The following SMARCAD1 variants were observed in gnomAD, a reference collection of about 807,000 sequenced individuals.
SMARCAD1 encodes the protein SNF2 related chromatin remodeling ATPase with DExD box 1.
Under a neutral mutation model 127.1 loss-of-function variants are expected in SMARCAD1, and 25 were observed. The observed-to-expected ratio is 0.20, with a 90% CI of 0.14 to 0.27. The LOEUF (loss-of-function observed/expected upper bound fraction) is 0.27. Ranked by LOEUF, SMARCAD1 falls within the 10% of genes least tolerant of loss-of-function variation. The probability of loss-of-function intolerance (pLI) is 1.00; values close to 1 mark genes in which losing one functional copy is unlikely to be tolerated. For synonymous variants in SMARCAD1, 400 were observed against 396.9 expected, an observed-to-expected ratio of 1.01 and a Z score of -0.09; for missense variants, 807 against 1,206.0, an observed-to-expected ratio of 0.67 and a Z score of 4.90.
At chr4:94,269,110 T>C (rs1752161116) in intron 10 of SMARCAD1, among the ~76,000 whole-genome samples, 1 of 152,212 alleles carries the variant, frequency 6.6e-6, no homozygotes, top group Non-Finnish European at 1.5e-5. Context: ...ACCTATACTT[T>C]TAGTTGTATT....
At chr4:94,225,987 A>G (rs1294164036) in intron 2 of SMARCAD1, 132 bp from the exon 3 acceptor site, 2 of 790,670 alleles carry the variant, frequency 2.5e-6, no homozygotes, top group Non-Finnish European at 4.0e-6. Context: ...TTTCTTTAAA[A>G]AGTGGTGAGA....
chr4:94,233,073 AATAAC>A (rs1746098256), intron 3 of SMARCAD1, among the ~76,000 whole-genome samples: 1 of 152,240 alleles, frequency 6.6e-6, no homozygotes, highest in African/African-American at 2.4e-5. Flanking sequence ...ACACAACAGA[AATAAC>A]ATGAGTACAT....
chr4:94,208,861 CT>C (rs1481409127), intron 2 of SMARCAD1, among the ~76,000 whole-genome samples: 3 of 152,138 alleles, frequency 2.0e-5, no homozygotes, highest in Non-Finnish European at 4.4e-5. Context: ...AGAACGGTTG[CT>C]ATTGGAAGAG....
At chr4:94,280,844 C>G (rs911476874) in intron 20 of SMARCAD1, 64 bp downstream of exon 20, 3 of 1,449,430 alleles carry the variant, frequency 2.1e-6, no homozygotes, top group African/African-American at 2.8e-5. Flanking sequence ...TAAAGCAATT[C>G]TGGCACACTG....
At chr4:94,237,664 G>A (rs1429256287) in intron 5 of SMARCAD1, among the ~76,000 whole-genome samples, 1 of 151,834 alleles carries the variant, frequency 6.6e-6, no homozygotes, top group Non-Finnish European at 1.5e-5. Context: ...ACATACATTA[G>A]GTTACAAAAT....
intron 23 of SMARCAD1, among the ~76,000 whole-genome samples, chr4:94,287,422 G>T (rs1755100484): frequency 6.6e-6 from 1 of 151,984 alleles, no homozygotes; most frequent in African/African-American, 2.4e-5. Context: ...CAATCTGTTT[G>T]TCCCCTCTTA....
intron 9 of SMARCAD1, among the ~76,000 whole-genome samples, chr4:94,262,178 G>C (rs1428021763): frequency 6.6e-6 from 1 of 152,176 alleles, no homozygotes; most frequent in Non-Finnish European, 1.5e-5. Flanking sequence ...CTAAGATACA[G>C]ATCTTTATTT....
intron 23 of SMARCAD1, among the ~76,000 whole-genome samples, chr4:94,287,709 T>G (rs1755141889): frequency 6.6e-6 from 1 of 152,170 alleles, no homozygotes; most frequent in African/African-American, 2.4e-5. Flanking sequence ...AAATAAAGAT[T>G]GTGTTTGGGT....
At chr4:94,279,484 A>G (rs547068112) in intron 19 of SMARCAD1, among the ~76,000 whole-genome samples, 12 of 152,390 alleles carry the variant, frequency 7.9e-5, no homozygotes, top group South Asian at 4.1e-4. Context: ...TCTGGGGGAC[A>G]TAAAAACAAA....
intron 6 of SMARCAD1, among the ~76,000 whole-genome samples, chr4:94,249,366 G>C (rs1748926733): frequency 6.7e-6 from 1 of 148,250 alleles, no homozygotes. Flanking sequence ...GAGTTAATTT[G>C]AGGATCATTC....
chr4:94,285,553 A>G (rs1420253410), intron 23 of SMARCAD1, among the ~76,000 whole-genome samples: 2 of 152,188 alleles, frequency 1.3e-5, no homozygotes, highest in African/African-American at 2.4e-5. Flanking sequence ...CTAATTCCTA[A>G]TATTGATAAT....
intron 7 of SMARCAD1, 84 bp from the exon 8 acceptor site, chr4:94,250,668 A>G (rs1420937819): frequency 1.2e-6 from 1 of 841,270 alleles, no homozygotes; most frequent in Non-Finnish European, 1.9e-6. Context: ...TCAGGTGATT[A>G]ACTTATTTTT....
chr4:94,269,095 C>A (rs1369133899), intron 10 of SMARCAD1, among the ~76,000 whole-genome samples: 2 of 152,140 alleles, frequency 1.3e-5, no homozygotes, highest in African/African-American at 2.4e-5. Context: ...ACTGCTTTTT[C>A]TCCTACCTAT....
intron 23 of SMARCAD1, among the ~76,000 whole-genome samples, chr4:94,288,451 G>A (rs766311115): frequency 6.6e-6 from 1 of 152,010 alleles, no homozygotes; most frequent in Non-Finnish European, 1.5e-5. Flanking sequence ...TGTCAATTTG[G>A]ATTTTATGGG....
intron 2 of SMARCAD1, among the ~76,000 whole-genome samples, chr4:94,225,561 G>A (rs1271985753): frequency 6.6e-6 from 1 of 152,158 alleles, no homozygotes; most frequent in Non-Finnish European, 1.5e-5. Context: ...AGGTATTGGT[G>A]ATTGGGACTT....
At position 94,215,952 on chromosome 4, in the gene SMARCAD1, C is replaced by T. The variant is rs367650164; in HGVS notation, c.190+7368C>T. Among the ~76,000 whole-genome samples the T allele has an allele frequency of 5.9e-5, 9 of 152,208 alleles. 1 individual carries two copies. Among genetic ancestry groups the T allele is most frequent in the African/African-American group, 1.9e-4 (8 of 41,524 alleles). ...ATTTGTAAGTATATCTTAAATTCCACGTGTCTTAGTCTGTTAGAACTGCTG... is the reference window on the plus strand; with the variant it reads ...ATTTGTAAGTATATCTTAAATTCCATGTGTCTTAGTCTGTTAGAACTGCTG... On this transcript the variant is annotated intron_variant, in intron 2 of 23. Coordinates refer to ENST00000354268, the MANE Select transcript of SMARCAD1 (RefSeq NM_020159.5).
At chr4:94,217,730 G>A (rs1043483217) in intron 2 of SMARCAD1, among the ~76,000 whole-genome samples, 16 of 152,204 alleles carry the variant, frequency 1.1e-4, no homozygotes, top group Admixed American at 2.6e-4. Flanking sequence ...ATTATATGTC[G>A]AATAATAGAT....
intron 21 of SMARCAD1, 87 bp from the exon 22 acceptor site, chr4:94,283,034 C>CT (rs888098378): frequency 2.0e-5 from 24 of 1,171,336 alleles, no homozygotes; most frequent in Non-Finnish European, 2.7e-5. Context: ...CTTCAGGTTT[C>CT]TTTTTCATGT....
chr4:94,242,166 T>C (rs61004493), intron 6 of SMARCAD1, among the ~76,000 whole-genome samples: 57,374 of 151,448 alleles, frequency 0.38, 11,857 homozygotes, highest in East Asian at 0.71. Context: ...CCGGAGTATC[T>C]GGGATTACGG....
Sources: allele counts gnomAD v4.1 joint callset (sites outside exome capture counted in the v4.1 genomes callset), GRCh38; gene constraint gnomAD v4.1.1; transcripts MANE v1.5; gene names NCBI Gene and HGNC (gene_info 2026-07-23, HGNC 2026-07-21).